Variants in FBXO46 observed in about 807,000 individuals in gnomAD.
The protein encoded by FBXO46 is F-box only protein 46.
Under a neutral mutation model 30.7 loss-of-function variants are expected in FBXO46, and 13 were observed. That is an observed-to-expected ratio of 0.42 (90% CI 0.28 to 0.67). The LOEUF (loss-of-function observed/expected upper bound fraction) is 0.67. FBXO46 is among the 30% of genes least tolerant of loss of function. FBXO46 has a pLI of 0.21. For missense variants in FBXO46, 754 were observed against 871.5 expected, an observed-to-expected ratio of 0.87 and a Z score of 1.70; for synonymous variants, 467 against 385.8, an observed-to-expected ratio of 1.21 and a Z score of -2.47.
chr19:45,718,491 G>C (rs1172015740), intron 1 of FBXO46, among the ~76,000 whole-genome samples: 1 of 152,038 alleles, frequency 6.6e-6, no homozygotes, highest in Non-Finnish European at 1.5e-5. Context: ...GCTCATTGCT[G>C]TCTATTCCTC....
Position 45,711,910 on chromosome 19 carries a change from G to A in FBXO46, c.1586C>T (p.Pro529Leu). 2 of 1,613,632 alleles carry A rather than the reference G, an allele frequency of 1.2e-6. No homozygotes were observed. The highest frequency in any genetic ancestry group is 1.7e-6 in the Non-Finnish European group (2 of 1,179,810). Residue 529 changes from proline (P) to leucine (L), a missense_variant, in exon 2 of 2, where the codon CCG becomes CTG. Coordinates refer to ENST00000317683, the MANE Select transcript of FBXO46 (RefSeq NM_001080469.2). ...GTATCTCTTGCGGCACTGTTTGCAC[G>A]GATCATCGCGGTAGAGCGGGTCTCG... ...WSRDPLYRDD[P>L]CKQCRKRYEK...
rs1193781449 is a variant in FBXO46 at position 45,713,591 on chromosome 19, A to G, written c.-78-18T>C. 9.6e-7 allele frequency: 1 copy of G among 1,037,804 alleles called. No individual in the cohort carries two copies. Among genetic ancestry groups the G allele is most frequent in the Non-Finnish European group, 1.4e-6 (1 of 722,536 alleles). 64.3% of individuals were successfully genotyped at this position (1,037,804 alleles called of 1,614,324 possible). A position where few individuals can be genotyped will look rare whatever the true frequency, so the allele number is the denominator to read the frequency against. ...CATGCCACCTGGAGACACGAAGAGGAGGTTGGGGAGCTAGGGGGACAGCCT... is the reference window on the plus strand; with the variant it reads ...CATGCCACCTGGAGACACGAAGAGGGGGTTGGGGAGCTAGGGGGACAGCCT... On this transcript the variant is annotated intron_variant, in intron 1 of 1. Coordinates refer to ENST00000317683, the MANE Select transcript of FBXO46 (RefSeq NM_001080469.2). This position sits in a 1 kb window ranked among gnomAD's most constrained non-coding sequence, Gnocchi z 4.7.
At chr19:45,728,792 C>T (rs1342006907) in intron 1 of FBXO46, among the ~76,000 whole-genome samples, 3 of 152,050 alleles carry the variant, frequency 2.0e-5, no homozygotes, top group African/African-American at 7.2e-5. Flanking sequence ...GTCATGATTG[C>T]GCCACTGCAT....
rs1233949601 is a variant in FBXO46 at position 45,712,468 on chromosome 19, C to A, written c.1028G>T (p.Arg343Met). The A allele has an allele frequency of 6.2e-7, 1 of 1,609,092 alleles. No homozygotes were observed. Among genetic ancestry groups the A allele is most frequent in the African/African-American group, 1.3e-5 (1 of 74,856 alleles). ...GGGCGCCGGGGGAGTGTCCTCAGGCCTGGCGGGTGCCGGGCTGTCACCCTC... is the reference window on the plus strand; with the variant it reads ...GGGCGCCGGGGGAGTGTCCTCAGGCATGGCGGGTGCCGGGCTGTCACCCTC... ...ASEGDSPAPA[R>M]PEDTPPAPPP... The change falls in exon 2 of 2, where the codon AGG (arginine) becomes ATG (methionine). Residue 343 changes from arginine (R) to methionine (M), a missense_variant. Arg to Met is a moderately conservative substitution (Grantham distance 91, BLOSUM62 -1). Around this residue, in one of 5 missense-constraint regions of FBXO46, gnomAD observed 454 missense variants for 426.5 expected, o/e 1.06. Transcript: ENST00000317683. The surrounding 1 kb of genome is among the most constrained non-coding windows in gnomAD (Gnocchi z 8.8).
rs558260983 is a variant in FBXO46, at chr19:45,713,759, G to A, written c.-78-186C>T. ...GAGGTGGGCAGATCACCTGAGGTCA[G>A]GAGTTTGAGACCAGCCTGGCCAACA... On this transcript the variant is annotated intron_variant, in intron 1 of 1. Transcript: ENST00000317683. This position sits in a 1 kb window ranked among gnomAD's most constrained non-coding sequence, Gnocchi z 4.7. Among the ~76,000 whole-genome samples the A allele has an allele frequency of 4.1e-4, 62 of 152,218 alleles. No individual in the cohort carries two copies. The highest frequency in any genetic ancestry group is 1.4e-3 in the African/African-American group (58 of 41,542).
At chr19:45,718,676 A>G (rs904122766) in intron 1 of FBXO46, among the ~76,000 whole-genome samples, 7 of 151,874 alleles carry the variant, frequency 4.6e-5, no homozygotes, top group Admixed American at 1.3e-4. Flanking sequence ...ACCTGCCCAG[A>G]GGGGACCTCT....
chr19:45,718,283 A>G (rs1005228057), intron 1 of FBXO46, among the ~76,000 whole-genome samples: 7 of 152,210 alleles, frequency 4.6e-5, no homozygotes, highest in Non-Finnish European at 8.8e-5. Flanking sequence ...AGGTCTCCTG[A>G]CCACAAGGTC....
At chr19:45,721,857 T>C (rs540849896) in intron 1 of FBXO46, among the ~76,000 whole-genome samples, 123 of 151,786 alleles carry the variant, frequency 8.1e-4, no homozygotes, top group African/African-American at 2.7e-3. Flanking sequence ...TTTTTTCTTT[T>C]TTTGAGATGG....
chr19:45,720,255 C>T (rs1365752980), intron 1 of FBXO46, among the ~76,000 whole-genome samples: 1 of 152,140 alleles, frequency 6.6e-6, no homozygotes, highest in African/African-American at 2.4e-5. Context: ...CCTAAGCCTC[C>T]CAAGTAGCTG....
upstream of FBXO46, among the ~76,000 whole-genome samples, chr19:45,732,197 C>T (rs1032263779): frequency 6.6e-6 from 1 of 151,760 alleles, no homozygotes; most frequent in African/African-American, 2.4e-5. Context: ...GCACCTAGAA[C>T]AGCGTAAACA....
At chr19:45,724,439 T>C (rs1968212002) in intron 1 of FBXO46, among the ~76,000 whole-genome samples, 2 of 152,190 alleles carry the variant, frequency 1.3e-5, no homozygotes, top group African/African-American at 4.8e-5. Flanking sequence ...CCTACCATTA[T>C]GACAACAGCA....
chr19:45,726,336 A>G (rs1167297983), intron 1 of FBXO46, among the ~76,000 whole-genome samples: 1 of 151,596 alleles, frequency 6.6e-6, no homozygotes, highest in African/African-American at 2.4e-5. Context: ...ACAGAGCAAG[A>G]CTCCATCTAA....
chr19:45,731,072 C>T (rs898172522), upstream of FBXO46, among the ~76,000 whole-genome samples: 1 of 152,168 alleles, frequency 6.6e-6, no homozygotes, highest in African/African-American at 2.4e-5. Context: ...GAGACAAAGC[C>T]GGGGAGGACT....
In FBXO46 at chr19:45,711,054, C is replaced by T. The variant is rs1288945875; in HGVS notation, c.*630G>A. 1 of 271,778 alleles carries T rather than the reference C, an allele frequency of 3.7e-6. No homozygotes were observed. The allele number at this position is 271,778 out of a possible 1,614,324, so 16.8% of individuals were successfully genotyped here. A position where few individuals can be genotyped will look rare whatever the true frequency, so the allele number is the denominator to read the frequency against. ...TTTTGTCTGCCCCCCTCTTCCTCTA[C>T]GCGGAAGAGGAGAGACTGGTAGCTT... On this transcript the variant is annotated 3_prime_UTR_variant, in exon 2 of 2. Coordinates refer to ENST00000317683, the MANE Select transcript of FBXO46 (RefSeq NM_001080469.2).
In FBXO46 at chr19:45,728,160, G is replaced by A. The variant is rs573356270; in HGVS notation, c.-79+2689C>T. Reference sequence around the variant, plus strand: ...TGGTCTTGATCAAACTCTTGGCCTCGGGCAATCTGCCCGCAATGGCCTCCC... The same window carrying A: ...TGGTCTTGATCAAACTCTTGGCCTCAGGCAATCTGCCCGCAATGGCCTCCC... On this transcript the variant is annotated intron_variant, in intron 1 of 1. Transcript: ENST00000317683. Among the ~76,000 whole-genome samples, 3 of 152,256 alleles carry A rather than the reference G, an allele frequency of 2.0e-5. No individual in the cohort carries two copies. The South Asian group carries it at 6.2e-4, about 32-fold the overall frequency.
intron 1 of FBXO46, among the ~76,000 whole-genome samples, chr19:45,717,989 G>T (rs905731986): frequency 6.6e-6 from 1 of 152,132 alleles, no homozygotes; most frequent in African/African-American, 2.4e-5. Flanking sequence ...GCCTCACTTA[G>T]TACAAAAGAG....
chr19:45,718,570 C>T (rs555901110), intron 1 of FBXO46, among the ~76,000 whole-genome samples: 1 of 152,222 alleles, frequency 6.6e-6, no homozygotes, highest in East Asian at 1.9e-4. Flanking sequence ...ATACATTCCC[C>T]CTCTGCAAGG....
chr19:45,713,985 A>G lies in FBXO46; in HGVS notation c.-78-412T>C, dbSNP rs1267097070. Among the ~76,000 whole-genome samples, 1 of 150,732 alleles carries G rather than the reference A, an allele frequency of 6.6e-6. No individual in the cohort carries two copies. The highest frequency in any genetic ancestry group is 2.4e-5 in the African/African-American group (1 of 41,334). On this transcript the variant is annotated intron_variant, in intron 1 of 1. Transcript: ENST00000317683. The surrounding 1 kb of genome is among the most constrained non-coding windows in gnomAD (Gnocchi z 4.7). ...CTCCGTCTCAAAAAAAAAAAAAAAA[A>G]AAAAAAGAACTCTATTCCCACTGCC...
At chr19:45,725,658 C>G (rs541464567) in intron 1 of FBXO46, among the ~76,000 whole-genome samples, 1 of 151,912 alleles carries the variant, frequency 6.6e-6, no homozygotes, top group African/African-American at 2.4e-5. Context: ...GGCTTGAGCC[C>G]GGGAGGTAGA....
Sources: gnomAD v4.1 joint callset for allele counts (sites outside exome capture counted in the v4.1 genomes callset) on GRCh38, gnomAD v4.1.1 for gene constraint, gnomAD v4.1.1 regional missense constraint, Gnocchi (gnomAD v3.1) non-coding constraint, MANE v1.5 for transcripts, NCBI Gene and HGNC (gene_info 2026-07-23, HGNC 2026-07-21) for gene names.